HDAC2: variants seen among roughly 807,000 people sequenced by gnomAD.
The protein encoded by HDAC2 is histone deacetylase 2.
HDAC2 carries 5 observed loss-of-function variants against 68.5 expected under a neutral mutation model. That is an observed-to-expected ratio of 0.07 (90% CI 0.04 to 0.15). The LOEUF (loss-of-function observed/expected upper bound fraction) is 0.15. HDAC2 is among the 10% of genes least tolerant of loss of function. The pLI, the probability that HDAC2 is intolerant of heterozygous loss-of-function variation, is 1.00. For missense variants in HDAC2, 291 were observed against 600.8 expected, an observed-to-expected ratio of 0.48 and a Z score of 5.39; for synonymous variants, 182 against 191.3, an observed-to-expected ratio of 0.95 and a Z score of 0.40.
At chr6:113,965,692 C>T (rs2114620768) in intron 1 of HDAC2, among the ~76,000 whole-genome samples, 1 of 152,240 alleles carries the variant, frequency 6.6e-6, no homozygotes, top group South Asian at 2.1e-4. Context: ...TTTATACCTG[C>T]AGTCTTTTAT....
At chr6:113,958,485 TTTC>T in intron 3 of HDAC2, 161 bp downstream of exon 3, 1 of 504,164 alleles carries the variant, frequency 2.0e-6, no homozygotes, top group South Asian at 2.8e-5. Context: ...GGTTTACTTT[TTTC>T]TTAAGTAGCT....
chr6:113,965,368 GT>G (rs201133460), intron 1 of HDAC2, among the ~76,000 whole-genome samples: 19 of 144,330 alleles, frequency 1.3e-4, no homozygotes, highest in Admixed American at 1.4e-4. Context: ...TACTTTTTTT[GT>G]TTTTTTTTTT....
At chr6:113,970,044 C>G (rs1776939925) in intron 1 of HDAC2, 1 of 152,264 alleles carries the variant, frequency 6.6e-6, no homozygotes, top group Non-Finnish European at 1.5e-5. Context: ...CTCCCTACCA[C>G]CTCTTATTTC....
intron 1 of HDAC2, chr6:113,962,424 AT>A: frequency 1.8e-5 from 12 of 676,044 alleles, no homozygotes; most frequent in Non-Finnish European, 2.2e-5. Context: ...TGAAATATAA[AT>A]ATTTTAAATA....
Position 113,939,499 on chromosome 6 carries a change from C to G in HDAC2, c.*1559G>C, listed in dbSNP as rs1465394515. On this transcript the variant is annotated 3_prime_UTR_variant, in exon 14 of 14. Coordinates refer to ENST00000519065, the MANE Select transcript of HDAC2 (RefSeq NM_001527.4). ...ACAGAATTGTCCAAATACATACCAT[C>G]TATGTTTCACAAACACTAAATACAT... 6.6e-6 allele frequency: 1 copy of G among 152,280 alleles called. No individual in the cohort carries two copies. The highest frequency in any genetic ancestry group is 1.5e-5 in the Non-Finnish European group (1 of 68,008). 9.4% of individuals were successfully genotyped at this position (152,280 alleles called of 1,614,324 possible). A position where few individuals can be genotyped will look rare whatever the true frequency, so the allele number is the denominator to read the frequency against.
chr6:113,942,375 C>G (rs1205481328), intron 12 of HDAC2, among the ~76,000 whole-genome samples: 1 of 141,812 alleles, frequency 7.1e-6, no homozygotes, highest in African/African-American at 2.6e-5. Context: ...AGTGAATCCA[C>G]AAGTAAAAGA....
chr6:113,956,197 A>G (rs1776548703), intron 4 of HDAC2, 46 bp from the exon 5 acceptor site: 1 of 1,505,088 alleles, frequency 6.6e-7, no homozygotes. Context: ...TTATCATAAA[A>G]AAGTAGTAGA....
rs1776088459 is a variant in HDAC2 at position 113,939,780 on chromosome 6, T to A, written c.*1278A>T. The A allele has an allele frequency of 6.6e-6, 1 of 152,168 alleles. No individual in the cohort carries two copies. Among genetic ancestry groups the A allele is most frequent in the Non-Finnish European group, 1.5e-5 (1 of 68,026 alleles). The allele number at this position is 152,168 out of a possible 1,614,324, so 9.4% of individuals were successfully genotyped here. A position where few individuals can be genotyped will look rare whatever the true frequency, so the allele number is the denominator to read the frequency against. On this transcript the variant is annotated 3_prime_UTR_variant, in exon 14 of 14. Coordinates refer to ENST00000519065, the MANE Select transcript of HDAC2 (RefSeq NM_001527.4). Reference sequence around the variant, plus strand: ...AACACCGAAGCAAATATAGCAAAAGTAAAATATTTGTTAAGTCGGGGTGGG... The same window carrying A: ...AACACCGAAGCAAATATAGCAAAAGAAAAATATTTGTTAAGTCGGGGTGGG...
intron 1 of HDAC2, 143 bp downstream of exon 1, chr6:113,970,714 G>T: frequency 7.2e-7 from 1 of 1,394,104 alleles, no homozygotes; most frequent in Non-Finnish European, 9.2e-7. Context: ...TAACTGTGCC[G>T]GGCCGGGAAC....
intron 5 of HDAC2, among the ~76,000 whole-genome samples, chr6:113,954,911 C>T (rs895041268): frequency 3.3e-5 from 5 of 152,180 alleles, no homozygotes; most frequent in Non-Finnish European, 7.3e-5. Flanking sequence ...TCTCAAACTG[C>T]AGCCACAGAT....
intron 1 of HDAC2, among the ~76,000 whole-genome samples, chr6:113,965,415 G>A (rs987201126): frequency 6.6e-6 from 1 of 151,018 alleles, no homozygotes; most frequent in African/African-American, 2.4e-5. Context: ...CACCCAGGCT[G>A]GAGTGCAATG....
At chr6:113,970,440 G>A in intron 1 of HDAC2, 1 of 1,031,542 alleles carries the variant, frequency 9.7e-7, no homozygotes, top group Non-Finnish European at 1.2e-6. Context: ...CGCGGGGGAC[G>A]GGTCGAGGGG....
intron 5 of HDAC2, among the ~76,000 whole-genome samples, chr6:113,955,292 C>T (rs543049406): frequency 3.3e-5 from 5 of 152,124 alleles, no homozygotes; most frequent in South Asian, 2.1e-4. Context: ...CGGCTCACTG[C>T]AACCTCCACC....
chr6:113,968,375 C>T (rs934948252), intron 1 of HDAC2: 6 of 152,142 alleles, frequency 3.9e-5, no homozygotes, highest in East Asian at 1.9e-4. Flanking sequence ...TCCTTGCATT[C>T]TCTTCTCACA....
intron 11 of HDAC2, among the ~76,000 whole-genome samples, chr6:113,944,040 A>G (rs1206316243): frequency 6.6e-6 from 1 of 152,202 alleles, no homozygotes; most frequent in Non-Finnish European, 1.5e-5. Context: ...CAAATATACT[A>G]AAGTTGCTAA....
At chr6:113,963,160 T>C (rs541310864) in intron 1 of HDAC2, among the ~76,000 whole-genome samples, 7 of 150,952 alleles carry the variant, frequency 4.6e-5, no homozygotes, top group Non-Finnish European at 1.0e-4. Context: ...CTTGGCTCAC[T>C]GCAACCTCCA....
At chr6:113,952,910 C>T (rs1776454432) in intron 6 of HDAC2, among the ~76,000 whole-genome samples, 1 of 152,086 alleles carries the variant, frequency 6.6e-6, no homozygotes, top group Non-Finnish European at 1.5e-5. Flanking sequence ...AGCAGAAGAA[C>T]CTAAAAAGAC....
At position 113,970,946 on chromosome 6, in the gene HDAC2, C is replaced by T. The variant is rs1179368537; in HGVS notation, c.-38G>A. On this transcript the variant is annotated 5_prime_UTR_variant, in exon 1 of 14. Transcript: ENST00000519065. ...CACCGCCGCCACCGGGCTCCTCCTC[C>T]TGCTGCTGCTGCTGCTGCTGCTGCC... 1 of 1,285,542 alleles carries T rather than the reference C, an allele frequency of 7.8e-7. No individual in the cohort carries two copies. The highest frequency in any genetic ancestry group is 1.5e-5 in the African/African-American group (1 of 64,866). The allele number at this position is 1,285,542 out of a possible 1,614,324, so 79.6% of individuals were successfully genotyped here.
At chr6:113,944,044 T>C (rs1776210103) in intron 11 of HDAC2, among the ~76,000 whole-genome samples, 1 of 152,204 alleles carries the variant, frequency 6.6e-6, no homozygotes, top group South Asian at 2.1e-4. Context: ...TATACTAAAG[T>C]TGCTAATTTT....
Sources: allele counts gnomAD v4.1 joint callset (sites outside exome capture counted in the v4.1 genomes callset), GRCh38; gene constraint gnomAD v4.1.1; transcripts MANE v1.5; gene names NCBI Gene and HGNC (gene_info 2026-07-23, HGNC 2026-07-21).